The following ZPBP variants were observed in gnomAD, a reference collection of about 807,000 sequenced individuals.
ZPBP encodes the protein zona pellucida binding protein.
In ZPBP, 26 loss-of-function variants were observed where a neutral mutation model predicts 44.8. The observed-to-expected ratio is 0.58, with a 90% CI of 0.43 to 0.81. The LOEUF is 0.81. Ranked by LOEUF, ZPBP falls within the 30% of genes least tolerant of loss-of-function variation. The pLI is 0.00. For missense variants in ZPBP, 409 were observed against 434.0 expected (o/e 0.94, Z 0.51); for synonymous variants, 174 against 153.2 (o/e 1.14, Z -1.00).
At chr7:50,008,841 C>T (rs1413405787) in intron 6 of ZPBP, among the ~76,000 whole-genome samples, 1 of 152,064 alleles carries the variant, frequency 6.6e-6, no homozygotes, top group East Asian at 1.9e-4. Context: ...AAGCACAGTA[C>T]TGGATGTTTT....
At chr7:50,029,541 T>C (rs1799495920) in intron 5 of ZPBP, among the ~76,000 whole-genome samples, 2 of 152,172 alleles carry the variant, frequency 1.3e-5, no homozygotes, top group Non-Finnish European at 2.9e-5. Context: ...AAACAACCTA[T>C]AAAATGGAAG....
intron 2 of ZPBP, among the ~76,000 whole-genome samples, chr7:50,088,342 A>G (rs1369506111): frequency 6.6e-6 from 1 of 152,050 alleles, no homozygotes; most frequent in Non-Finnish European, 1.5e-5. Flanking sequence ...AAACATAGGA[A>G]TAACACTTTG....
At chr7:50,010,369 A>G (rs2128800456) in intron 6 of ZPBP, among the ~76,000 whole-genome samples, 1 of 152,296 alleles carries the variant, frequency 6.6e-6, no homozygotes. Context: ...TTAATGGAGA[A>G]AAGATGGCAT....
chr7:50,073,745 A>G (rs1455546711), intron 3 of ZPBP, among the ~76,000 whole-genome samples: 1 of 152,156 alleles, frequency 6.6e-6, no homozygotes, highest in Non-Finnish European at 1.5e-5. Flanking sequence ...AGAGAGTGGC[A>G]TGACATATTT....
At chr7:50,079,126 C>T (rs1337222875) in intron 3 of ZPBP, among the ~76,000 whole-genome samples, 1 of 151,520 alleles carries the variant, frequency 6.6e-6, no homozygotes, top group African/African-American at 2.4e-5. Context: ...AAATACAACA[C>T]ATTTAAAAAT....
chr7:49,987,416 G>A (rs2366023), intron 6 of ZPBP, among the ~76,000 whole-genome samples: 121,028 of 152,040 alleles, frequency 0.8, 48,344 homozygotes, highest in East Asian at 0.89. Context: ...GCCCCAAGAT[G>A]ATTTCTCATG....
chr7:49,952,205 A>C (rs1442822462), intron 7 of ZPBP, among the ~76,000 whole-genome samples: 1 of 151,970 alleles, frequency 6.6e-6, no homozygotes, highest in Non-Finnish European at 1.5e-5. Flanking sequence ...TAAAATGGTG[A>C]ATTTTAATTA....
At chr7:50,000,767 T>C (rs538706521) in intron 6 of ZPBP, among the ~76,000 whole-genome samples, 16 of 152,172 alleles carry the variant, frequency 1.1e-4, no homozygotes, top group Non-Finnish European at 1.6e-4. Flanking sequence ...TTCTTTATAT[T>C]TTGATGACCC....
intron 2 of ZPBP, among the ~76,000 whole-genome samples, chr7:49,880,473 T>C (rs1394274111): frequency 2.0e-5 from 3 of 151,990 alleles, no homozygotes; most frequent in African/African-American, 7.2e-5. Context: ...GAAGATTTTT[T>C]ATTATGGATT....
chr7:50,002,177 C>A (rs150010644), intron 6 of ZPBP, among the ~76,000 whole-genome samples: 1 of 152,038 alleles, frequency 6.6e-6, no homozygotes, highest in Admixed American at 6.6e-5. Flanking sequence ...TGGTGGAAGG[C>A]AAATGAGGAG....
intron 2 of ZPBP, among the ~76,000 whole-genome samples, chr7:49,878,723 C>A (rs952218390): frequency 6.6e-6 from 1 of 152,052 alleles, no homozygotes; most frequent in Non-Finnish European, 1.5e-5. Context: ...TAAAAAATTG[C>A]TCATGCACGA....
intron 1 of ZPBP, 23 bp downstream of exon 1, chr7:50,093,045 G>T: frequency 6.3e-7 from 1 of 1,591,676 alleles, no homozygotes; most frequent in South Asian, 1.1e-5. Context: ...CTGCGGAGCC[G>T]GCAGGGCGGC....
At chr7:49,853,081 G>A (rs1157941216) in intron 2 of ZPBP, among the ~76,000 whole-genome samples, 2 of 152,256 alleles carry the variant, frequency 1.3e-5, no homozygotes, top group Non-Finnish European at 2.9e-5. Flanking sequence ...AGCATGCCCA[G>A]CTCTTGCTGC....
intron 7 of ZPBP, among the ~76,000 whole-genome samples, chr7:49,981,070 A>T (rs1236637434): frequency 6.7e-6 from 1 of 149,080 alleles, no homozygotes; most frequent in Non-Finnish European, 1.5e-5. Context: ...ATAGAATACA[A>T]ATTAAACAAA....
intron 7 of ZPBP, among the ~76,000 whole-genome samples, chr7:49,959,059 A>G (rs1212617399): frequency 6.6e-6 from 1 of 152,162 alleles, no homozygotes; most frequent in Non-Finnish European, 1.5e-5. Context: ...AAATTACTGT[A>G]CTAATACAAT....
At chr7:49,880,505 A>C (rs1256451731) in intron 2 of ZPBP, among the ~76,000 whole-genome samples, 1 of 151,706 alleles carries the variant, frequency 6.6e-6, no homozygotes, top group Non-Finnish European at 1.5e-5. Flanking sequence ...TCTTTATTAG[A>C]TATCGGGCTA....
At chr7:49,959,273 A>AC (rs1795744931) in intron 7 of ZPBP, among the ~76,000 whole-genome samples, 1 of 151,324 alleles carries the variant, frequency 6.6e-6, no homozygotes, top group African/African-American at 2.4e-5. Context: ...GCCAAAAAAA[A>AC]AAAAGGCACA....
chr7:49,980,021 A>G (rs1161868710), intron 7 of ZPBP, among the ~76,000 whole-genome samples: 6 of 13,862 alleles, frequency 4.3e-4, no homozygotes, highest in African/African-American at 1.9e-3. Flanking sequence ...ATTATAATAT[A>G]ATTTTATATT....
At chr7:49,923,051 A>G (rs1486141383) in intron 1 of ZPBP, among the ~76,000 whole-genome samples, 1 of 152,246 alleles carries the variant, frequency 6.6e-6, no homozygotes, top group Non-Finnish European at 1.5e-5. Context: ...CTTAAGAGAA[A>G]AGAGTGAATC....
Sources: gnomAD v4.1 joint callset for allele counts (sites outside exome capture counted in the v4.1 genomes callset) on GRCh38, gnomAD v4.1.1 for gene constraint, MANE v1.5 for transcripts, NCBI Gene and HGNC (gene_info 2026-07-23, HGNC 2026-07-21) for gene names.